SF3B3: variants seen among roughly 807,000 people sequenced by gnomAD.
SF3B3 encodes SAP 130.
Under a neutral mutation model 139.2 loss-of-function variants are expected in SF3B3, and 33 were observed. The observed-to-expected ratio is 0.24, with a 90% CI of 0.18 to 0.32. SF3B3 has a LOEUF of 0.32. Among genes scored for constraint, SF3B3 ranks in the 10% least tolerant of loss-of-function variants. The pLI, the probability that SF3B3 is intolerant of heterozygous loss-of-function variation, is 1.00. For missense variants in SF3B3, 818 were observed against 1,509.4 expected, an observed-to-expected ratio of 0.54 and a Z score of 7.59; for synonymous variants, 596 against 563.6, an observed-to-expected ratio of 1.06 and a Z score of -0.81.
chr16:70,571,656 CT>C lies in SF3B3; in HGVS notation c.3514-14del. 2 of 1,594,454 alleles carry C rather than the reference CT, an allele frequency of 1.3e-6. No homozygotes were observed. The highest frequency in any genetic ancestry group is 8.5e-7 in the Non-Finnish European group (1 of 1,172,066). On this transcript the variant is annotated splice_polypyrimidine_tract_variant and intron_variant, in intron 25 of 25. Transcript: ENST00000302516. ...CATCTCACCATTTTTTTTCTTTCTG[CT>C]TTCTCCATATCTTAGAATGTGATTG...
At chr16:70,528,479 T>TG (rs1441295049) in intron 2 of SF3B3, among the ~76,000 whole-genome samples, 1 of 149,706 alleles carries the variant, frequency 6.7e-6, no homozygotes, top group African/African-American at 2.5e-5. Context: ...TTTTTTTTTT[T>TG]TTTTTTTTTA....
At position 70,555,025 on chromosome 16, in the gene SF3B3, A is replaced by G. The variant is rs1263410544; in HGVS notation, c.1555-26A>G. The G allele has an allele frequency of 3.1e-6, 5 of 1,607,640 alleles. No individual in the cohort carries two copies. The South Asian group carries it at 5.5e-5, about 18-fold the overall frequency. On this transcript the variant is annotated intron_variant, in intron 12 of 25. Coordinates refer to ENST00000302516, the MANE Select transcript of SF3B3 (RefSeq NM_012426.5). ...AGTGATGAATCAAATTGTTAAAGTCAGGTTTCTTTCTGTTACTGACTCTAG... is the reference window on the plus strand; with the variant it reads ...AGTGATGAATCAAATTGTTAAAGTCGGGTTTCTTTCTGTTACTGACTCTAG...
At chr16:70,564,554 C>G (rs959735075) in intron 18 of SF3B3, among the ~76,000 whole-genome samples, 1 of 152,290 alleles carries the variant, frequency 6.6e-6, no homozygotes, top group South Asian at 2.1e-4. Context: ...ACAGAATTCT[C>G]CCGTCCTTGA....
At chr16:70,569,418 T>C (rs1236261508) in intron 23 of SF3B3, among the ~76,000 whole-genome samples, 2 of 152,212 alleles carry the variant, frequency 1.3e-5, no homozygotes, top group Non-Finnish European at 2.9e-5. Flanking sequence ...CTCTGGACTT[T>C]CGGGCAAATC....
rs1482030278 is a variant in SF3B3, at chr16:70,575,399, A to C, written c.*3586A>C. 1 of 151,780 alleles carries C rather than the reference A, an allele frequency of 6.6e-6. No homozygotes were observed. Among genetic ancestry groups the C allele is most frequent in the Non-Finnish European group, 1.5e-5 (1 of 67,976 alleles). The allele number at this position is 151,780 out of a possible 1,614,324, so 9.4% of individuals were successfully genotyped here. The stretch of plus-strand genomic sequence containing the variant: ...TTTTTAGTAGAGATGGGGTTTCACC[A>C]TGTTGGCCAGGCTGGTTTCGAACTC... On this transcript the variant is annotated 3_prime_UTR_variant, in exon 26 of 26. Transcript: ENST00000302516.
chr16:70,564,926 G>A (rs2050461376), intron 18 of SF3B3, 139 bp from the exon 19 acceptor site: 5 of 719,464 alleles, frequency 6.9e-6, no homozygotes, highest in South Asian at 1.7e-5. Flanking sequence ...TAGTCATGTC[G>A]GGAAATCCTG....
chr16:70,525,999 C>T (rs1440514230), intron 1 of SF3B3, among the ~76,000 whole-genome samples: 1 of 147,898 alleles, frequency 6.8e-6, no homozygotes, highest in Non-Finnish European at 1.5e-5. Flanking sequence ...AAAAGATATA[C>T]CTTAGTCTCA....
intron 3 of SF3B3, 148 bp downstream of exon 3, chr16:70,529,347 A>C: frequency 1.5e-6 from 1 of 650,664 alleles, no homozygotes; most frequent in Non-Finnish European, 2.6e-6. Context: ...TTTCCTTTTT[A>C]AAAGAGTTGC....
At position 70,576,770 on chromosome 16, in the gene SF3B3, G is replaced by A. The variant is rs761712140; in HGVS notation, c.*4957G>A. 2.0e-5 allele frequency: 3 copies of A among 152,330 alleles called. No individual in the cohort carries two copies. Among genetic ancestry groups the A allele is most frequent in the South Asian group, 4.1e-4 (2 of 4,830 alleles). The allele number at this position is 152,330 out of a possible 1,614,324, so 9.4% of individuals were successfully genotyped here. ...ATGAAGAGAGCACTGTATACAGTCA[G>A]ATGACCTGGGCTCACTAGCCTCTAA... On this transcript the variant is annotated 3_prime_UTR_variant, in exon 26 of 26. Coordinates refer to ENST00000302516, the MANE Select transcript of SF3B3 (RefSeq NM_012426.5).
intron 21 of SF3B3, 44 bp downstream of exon 21, chr16:70,567,580 A>AGG (rs766896854): frequency 2.4e-5 from 38 of 1,583,588 alleles, no homozygotes; most frequent in Non-Finnish European, 3.1e-5. Context: ...TCATGTGTCA[A>AGG]GGGTGGGGGC....
chr16:70,543,773 T>A (rs976429624), intron 9 of SF3B3, among the ~76,000 whole-genome samples: 1 of 152,172 alleles, frequency 6.6e-6, no homozygotes, highest in Non-Finnish European at 1.5e-5. Context: ...TTCTTAACAT[T>A]TCTTTCTGCC....
At chr16:70,563,305 A>G (rs1432446876) in intron 17 of SF3B3, among the ~76,000 whole-genome samples, 2 of 152,334 alleles carry the variant, frequency 1.3e-5, no homozygotes, top group Middle Eastern at 3.4e-3. Context: ...AACTACAAAT[A>G]AAACTCCATC....
chr16:70,549,486 G>C (rs1217149564), intron 11 of SF3B3, among the ~76,000 whole-genome samples: 1 of 152,202 alleles, frequency 6.6e-6, no homozygotes, highest in Non-Finnish European at 1.5e-5. Context: ...GTCCGTGTTG[G>C]TGTTTTACTT....
intron 11 of SF3B3, among the ~76,000 whole-genome samples, chr16:70,551,727 A>G (rs1456738897): frequency 6.6e-6 from 1 of 152,186 alleles, no homozygotes; most frequent in Non-Finnish European, 1.5e-5. Context: ...AATTTTTTAT[A>G]GAATTGGGGT....
At chr16:70,536,202 C>G (rs551271603) in intron 6 of SF3B3, among the ~76,000 whole-genome samples, 1 of 150,984 alleles carries the variant, frequency 6.6e-6, no homozygotes, top group African/African-American at 2.4e-5. Flanking sequence ...GAGTCTTGCT[C>G]TGTTGCCCAT....
At chr16:70,542,604 A>G (rs1024586224) in intron 9 of SF3B3, among the ~76,000 whole-genome samples, 1 of 152,228 alleles carries the variant, frequency 6.6e-6, no homozygotes, top group African/African-American at 2.4e-5. Flanking sequence ...ACAAGTCAGC[A>G]TTCAGACAGG....
At position 70,561,644 on chromosome 16, in the gene SF3B3, A is replaced by C. The variant is rs977345929; in HGVS notation, c.2148A>C (p.Ser716=). The stretch of plus-strand genomic sequence containing the variant: ...TTTCCCCTCAGGTATTGGCCATGTC[A>C]AGCCGCTCATGGTTGAGCTATTCTT... ...MQGQEAVLAM[S]SRSWLSYSYQ... is the part of the protein sequence containing the mutation. The change falls in exon 17 of 26, where the codon TCA becomes TCC. Residue 716 remains serine, a synonymous_variant. Coordinates refer to ENST00000302516, the MANE Select transcript of SF3B3 (RefSeq NM_012426.5). 2.5e-6 allele frequency: 4 copies of C among 1,613,784 alleles called. No individual in the cohort carries two copies. The highest frequency in any genetic ancestry group is 1.7e-4 in the Middle Eastern group (1 of 6,060).
At chr16:70,550,740 G>A in intron 11 of SF3B3, 2 of 863,432 alleles carry the variant, frequency 2.3e-6, no homozygotes, top group Non-Finnish European at 2.8e-6. Context: ...AGAGGGACCT[G>A]CACAAAATAT....
intron 11 of SF3B3, among the ~76,000 whole-genome samples, chr16:70,551,015 A>T (rs2050319853): frequency 6.6e-6 from 1 of 152,204 alleles, no homozygotes; most frequent in South Asian, 2.1e-4. Flanking sequence ...ACCGAGAGAA[A>T]GCTTTTGAGT....
Sources: allele counts gnomAD v4.1 joint callset (sites outside exome capture counted in the v4.1 genomes callset), GRCh38; gene constraint gnomAD v4.1.1; transcripts MANE v1.5; gene names NCBI Gene and HGNC (gene_info 2026-07-23, HGNC 2026-07-21).